Variants in CDC42SE2 observed in about 807,000 individuals in gnomAD.
CDC42SE2 encodes CDC42 small effector 2.
Under a neutral mutation model 11.5 loss-of-function variants are expected in CDC42SE2, and 3 were observed. The ratio of observed to expected loss-of-function variants is 0.26; its 90% CI spans 0.12 to 0.67. CDC42SE2 has a LOEUF of 0.67. Among genes scored for constraint, CDC42SE2 ranks in the 30% least tolerant of loss-of-function variants. CDC42SE2 has a pLI of 0.80. For synonymous variants in CDC42SE2, 33 were observed against 34.8 expected, an observed-to-expected ratio of 0.95 and a Z score of 0.18; for missense variants, 82 against 106.8, an observed-to-expected ratio of 0.77 and a Z score of 1.02.
intron 1 of CDC42SE2, among the ~76,000 whole-genome samples, chr5:131,285,371 A>G (rs1757319595): frequency 6.6e-6 from 1 of 152,194 alleles, no homozygotes; most frequent in Non-Finnish European, 1.5e-5. Context: ...CAAGAAAAGC[A>G]GGATCATCAG....
the CDC42SE2 span, among the ~76,000 whole-genome samples, chr5:131,219,146 T>C: frequency 1.4e-5 from 2 of 144,098 alleles, no homozygotes; most frequent in Non-Finnish European, 3.0e-5. Flanking sequence ...AAGAAAATGT[T>C]GTACTAAAAA....
intron 1 of CDC42SE2, among the ~76,000 whole-genome samples, chr5:131,311,928 CCTT>C (rs1350071856): frequency 6.6e-6 from 1 of 152,168 alleles, no homozygotes; most frequent in Non-Finnish European, 1.5e-5. Context: ...TCGTCTGAAG[CCTT>C]CTTCACTCAG....
chr5:131,312,200 GC>G (rs1757934852), intron 1 of CDC42SE2, among the ~76,000 whole-genome samples: 1 of 151,628 alleles, frequency 6.6e-6, no homozygotes, highest in Non-Finnish European at 1.5e-5. Context: ...GGAGTACCTT[GC>G]TGTGTGAGGT....
chr5:131,389,931 C>A (rs937862216), intron 4 of CDC42SE2, among the ~76,000 whole-genome samples: 3 of 152,210 alleles, frequency 2.0e-5, no homozygotes, highest in Non-Finnish European at 4.4e-5. Flanking sequence ...CAGACTGCTT[C>A]TAATTTATAT....
At chr5:131,288,882 A>G (rs2040081345) in intron 1 of CDC42SE2, among the ~76,000 whole-genome samples, 1 of 152,172 alleles carries the variant, frequency 6.6e-6, no homozygotes, top group Admixed American at 6.5e-5. Context: ...CAGGCACTGA[A>G]ATTTAAGGGT....
chr5:131,310,817 T>C (rs1270683584), intron 1 of CDC42SE2, among the ~76,000 whole-genome samples: 1 of 152,066 alleles, frequency 6.6e-6, no homozygotes, highest in East Asian at 1.9e-4. Context: ...TCCATCCTTT[T>C]ATTTTGAGCG....
At chr5:131,219,291 A>G in the CDC42SE2 span, among the ~76,000 whole-genome samples, 3 of 152,230 alleles carry the variant, frequency 2.0e-5, no homozygotes, top group East Asian at 5.8e-4. Flanking sequence ...TGATAATGGT[A>G]TAGATTGCAC....
chr5:131,298,205 C>A (rs142936863), intron 1 of CDC42SE2, among the ~76,000 whole-genome samples: 7 of 151,538 alleles, frequency 4.6e-5, no homozygotes, highest in Non-Finnish European at 1.0e-4. Context: ...TGGGTTCAAG[C>A]GGTTCTCCTG....
At chr5:131,323,077 G>A (rs1758225348) in intron 2 of CDC42SE2, among the ~76,000 whole-genome samples, 1 of 151,806 alleles carries the variant, frequency 6.6e-6, no homozygotes, top group Non-Finnish European at 1.5e-5. Context: ...GCCCAGGCTC[G>A]AGTATAATGG....
chr5:131,212,900 T>A, the CDC42SE2 span, among the ~76,000 whole-genome samples: 2 of 151,864 alleles, frequency 1.3e-5, no homozygotes, highest in South Asian at 2.1e-4. Flanking sequence ...TAAAAAAAAA[T>A]AATAATCCGG....
chr5:131,346,032 C>T (rs1561592934), intron 2 of CDC42SE2, among the ~76,000 whole-genome samples: 1 of 152,174 alleles, frequency 6.6e-6, no homozygotes, highest in South Asian at 2.1e-4. Context: ...CTGGTACCAC[C>T]AGCCACTGCA....
intron 4 of CDC42SE2, among the ~76,000 whole-genome samples, 171 bp from the exon 5 acceptor site, chr5:131,390,821 CT>C (rs987698968): frequency 3.3e-5 from 5 of 152,162 alleles, no homozygotes; most frequent in African/African-American, 9.7e-5. Flanking sequence ...GCTAGCCTCC[CT>C]GTTTGTCCTT....
chr5:131,211,458 TCCTAA>T, the CDC42SE2 span, among the ~76,000 whole-genome samples: 1 of 152,248 alleles, frequency 6.6e-6, no homozygotes, highest in Non-Finnish European at 1.5e-5. Context: ...TTTCAGAATG[TCCTAA>T]CCTATCAAGT....
At chr5:131,281,417 G>GT (rs1757236229) in intron 1 of CDC42SE2, among the ~76,000 whole-genome samples, 2 of 152,136 alleles carry the variant, frequency 1.3e-5, no homozygotes, top group South Asian at 4.1e-4. Flanking sequence ...CTAAAGAAGT[G>GT]TTTTTTATCT....
At chr5:131,298,390 C>T (rs572723866) in intron 1 of CDC42SE2, among the ~76,000 whole-genome samples, 113 of 151,462 alleles carry the variant, frequency 7.5e-4, no homozygotes, top group Non-Finnish European at 1.4e-3. Flanking sequence ...CCAATGTGCT[C>T]GGATTACAGG....
At chr5:131,367,950 G>A (rs184721890) in intron 3 of CDC42SE2, among the ~76,000 whole-genome samples, 5 of 152,100 alleles carry the variant, frequency 3.3e-5, no homozygotes, top group East Asian at 3.9e-4. Context: ...GTCCCACAGC[G>A]ACTTCATAAG....
At chr5:131,243,092 A>T (rs1421178431), upstream of CDC42SE2, among the ~76,000 whole-genome samples, 3 of 152,140 alleles carry the variant, frequency 2.0e-5, no homozygotes, top group Non-Finnish European at 4.4e-5. Context: ...GAGTAATCTT[A>T]TGACTCATTT....
At chr5:131,356,549 A>C (rs1487142352) in intron 2 of CDC42SE2, among the ~76,000 whole-genome samples, 1 of 152,246 alleles carries the variant, frequency 6.6e-6, no homozygotes, top group African/African-American at 2.4e-5. Flanking sequence ...AATCCATGGA[A>C]TTGCAAACAT....
chr5:131,262,340 T>C (rs1306174178), upstream of CDC42SE2, among the ~76,000 whole-genome samples: 1 of 151,994 alleles, frequency 6.6e-6, no homozygotes, highest in Non-Finnish European at 1.5e-5. Flanking sequence ...AACTGGAAAA[T>C]CAAAATGCTT....
Sources: gnomAD v4.1 joint callset for allele counts (sites outside exome capture counted in the v4.1 genomes callset) on GRCh38, gnomAD v4.1.1 for gene constraint, MANE v1.5 for transcripts, NCBI Gene and HGNC (gene_info 2026-07-23, HGNC 2026-07-21) for gene names.